The following ANKRD62 variants were observed in gnomAD, a reference collection of about 807,000 sequenced individuals.
The protein encoded by ANKRD62 is ankyrin repeat domain 62, also known as ankyrin repeat domain-containing protein 62.
In ANKRD62, 61 loss-of-function variants were observed where a neutral mutation model predicts 98.8. That is an observed-to-expected ratio of 0.62 (90% confidence interval 0.50 to 0.76). ANKRD62 has a LOEUF of 0.76. Ranked by LOEUF, ANKRD62 falls within the 30% of genes least tolerant of loss-of-function variation. The pLI is 0.00. For synonymous variants in ANKRD62, 341 were observed against 367.9 expected, an observed-to-expected ratio of 0.93 and a Z score of 0.84; for missense variants, 933 against 1,082.9, an observed-to-expected ratio of 0.86 and a Z score of 1.94.
intron 13 of ANKRD62, among the ~76,000 whole-genome samples, chr18:12,126,654 G>A (rs1372265396): frequency 6.6e-6 from 1 of 152,156 alleles, no homozygotes; most frequent in African/African-American, 2.4e-5. Context: ...TTATAATGTA[G>A]TCTTACACTG....
At chr18:12,134,855 C>G in the ANKRD62 span, among the ~76,000 whole-genome samples, 1 of 152,062 alleles carries the variant, frequency 6.6e-6, no homozygotes, top group East Asian at 1.9e-4. Flanking sequence ...GTCTTTATAG[C>G]AGCATGATTT....
rs1414966013 is a variant in ANKRD62 at position 12,101,976 on chromosome 18, A to C, written c.821-1182A>C. The C allele has an allele frequency of 4.8e-6, 5 of 1,047,596 alleles. No homozygotes were observed. The African/African-American group carries it at 7.8e-5, about 16-fold the overall frequency. 64.9% of individuals were successfully genotyped at this position (1,047,596 alleles called of 1,614,324 possible). A position where few individuals can be genotyped will look rare whatever the true frequency, so the allele number is the denominator to read the frequency against. Reference sequence around the variant, plus strand: ...GAGGCATACATCAGTTCTTCAAAGTATTAAGTCAGAAAGGTCAGAGCTTCC... The same window carrying C: ...GAGGCATACATCAGTTCTTCAAAGTCTTAAGTCAGAAAGGTCAGAGCTTCC... On this transcript the variant is annotated intron_variant, in intron 6 of 13. Transcript: ENST00000587848.
chr18:12,131,666 C>T (rs939355098), downstream of ANKRD62, among the ~76,000 whole-genome samples: 139 of 151,938 alleles, frequency 9.1e-4, no homozygotes, highest in African/African-American at 3.1e-3. Flanking sequence ...ATGTATCAAG[C>T]AATTACAGTT....
At chr18:12,124,933 A>G (rs1909856603) in intron 12 of ANKRD62, among the ~76,000 whole-genome samples, 1 of 152,188 alleles carries the variant, frequency 6.6e-6, no homozygotes, top group Admixed American at 6.5e-5. Context: ...TAGATCTGTC[A>G]TTTATCAATA....
the ANKRD62 span, among the ~76,000 whole-genome samples, chr18:12,168,946 GTGTATAAGAA>G: frequency 1.8e-4 from 28 of 152,234 alleles, no homozygotes; most frequent in East Asian, 3.9e-3. Flanking sequence ...TCTGTTACTG[GTGTATAAGAA>G]TGCCTGTGAT....
intron 10 of ANKRD62, among the ~76,000 whole-genome samples, chr18:12,118,748 G>C (rs534674573): frequency 5.3e-5 from 8 of 151,924 alleles, no homozygotes; most frequent in Admixed American, 2.0e-4. Context: ...ATATTCCATT[G>C]TTTGGCTGTT....
chr18:12,172,300 G>A, the ANKRD62 span, among the ~76,000 whole-genome samples: 4 of 152,194 alleles, frequency 2.6e-5, no homozygotes, highest in African/African-American at 9.6e-5. Flanking sequence ...TTCGATGATG[G>A]TGATGTACAG....
intron 12 of ANKRD62, among the ~76,000 whole-genome samples, chr18:12,124,690 G>A (rs1428520422): frequency 7.9e-6 from 1 of 126,940 alleles, no homozygotes; most frequent in Non-Finnish European, 1.7e-5. Flanking sequence ...GATTTCCTAA[G>A]AAGAGCTTTA....
At position 12,124,144 on chromosome 18, in the gene ANKRD62, T is replaced by A. The variant is rs750114835; in HGVS notation, c.1462T>A (p.Leu488Ile). 1.6e-6 allele frequency: 2 copies of A among 1,284,846 alleles called. No homozygotes were observed. Among genetic ancestry groups the A allele is most frequent in the South Asian group, 2.7e-5 (2 of 75,390 alleles). The allele number at this position is 1,284,846 out of a possible 1,614,324, so 79.6% of individuals were successfully genotyped here. A position where few individuals can be genotyped will look rare whatever the true frequency, so the allele number is the denominator to read the frequency against. ...AAGTATATTTAACTACAGATTTATC[T>A]TACAACAACAAGAAGAAGAAAGAAT... ...KKKLCNLRFI[L>I]QQQEEERIKA... Residue 488 changes from leucine to isoleucine, a missense_variant, in exon 12 of 14, where the codon TTA becomes ATA. This residue lies in a region of ANKRD62 where 549 missense variants were observed against 587.9 expected (regional missense o/e 0.93). Coordinates refer to ENST00000587848, the MANE Select transcript of ANKRD62 (RefSeq NM_001277333.2).
At chr18:12,141,295 C>T in the ANKRD62 span, among the ~76,000 whole-genome samples, 77 of 152,348 alleles carry the variant, frequency 5.1e-4, no homozygotes, top group African/African-American at 1.8e-3. Context: ...TGACCCCTTG[C>T]ACTTCCCGGG....
intron 4 of ANKRD62, among the ~76,000 whole-genome samples, chr18:12,096,728 T>C (rs574828084): frequency 6.6e-6 from 1 of 152,356 alleles, no homozygotes; most frequent in South Asian, 2.1e-4. Flanking sequence ...AAAGATAAAT[T>C]AGAGTTGAAA....
the ANKRD62 span, among the ~76,000 whole-genome samples, chr18:12,179,690 A>G: frequency 6.7e-6 from 1 of 149,958 alleles, no homozygotes; most frequent in African/African-American, 2.5e-5. Context: ...AGGATACCCA[A>G]ACAACCTTTT....
chr18:12,118,140 T>G (rs1265053486), intron 10 of ANKRD62, among the ~76,000 whole-genome samples: 1 of 152,194 alleles, frequency 6.6e-6, no homozygotes, highest in East Asian at 1.9e-4. Flanking sequence ...GGTCTTAAGG[T>G]ACACTGACAT....
chr18:12,102,568 A>G (rs899413331), intron 6 of ANKRD62: 1 of 354,084 alleles, frequency 2.8e-6, no homozygotes, highest in South Asian at 3.7e-5. Context: ...CCTTAACTGC[A>G]TGTTTTATGA....
At chr18:12,134,167 C>G (rs1360287708), downstream of ANKRD62, among the ~76,000 whole-genome samples, 1 of 152,132 alleles carries the variant, frequency 6.6e-6, no homozygotes, top group Middle Eastern at 3.2e-3. Flanking sequence ...GGCTCATATG[C>G]CTTGAAAGGA....
At chr18:12,114,829 A>T (rs955431093) in intron 8 of ANKRD62, among the ~76,000 whole-genome samples, 1 of 152,020 alleles carries the variant, frequency 6.6e-6, no homozygotes, top group Non-Finnish European at 1.5e-5. Flanking sequence ...GTCTTTGATG[A>T]TCAGAAAGCT....
In ANKRD62 at chr18:12,103,225, A is replaced by G. The variant is rs940323211; in HGVS notation, c.888A>G (p.Pro296=). 1 of 1,343,486 alleles carries G rather than the reference A, an allele frequency of 7.4e-7. No individual in the cohort carries two copies. The highest frequency in any genetic ancestry group is 1.5e-5 in the African/African-American group (1 of 66,684). 83.2% of individuals were successfully genotyped at this position (1,343,486 alleles called of 1,614,324 possible). The stretch of plus-strand genomic sequence containing the variant: ...TTGAAGGATGTGAAAGTAGCCAGCC[A>G]CAGGTATGTAAAAATTTAATTTCAA... ...ERLEGCESSQ[P]QVEEKMKKCR... The change falls in exon 7 of 14, where the codon CCA becomes CCG. Residue 296 remains proline, a synonymous_variant. Transcript: ENST00000587848.
At chr18:12,153,607 A>G in the ANKRD62 span, among the ~76,000 whole-genome samples, 1,712 of 141,054 alleles carry the variant, frequency 0.012, 17 homozygotes, top group African/African-American at 0.02. Context: ...AAAAAAAAAA[A>G]AAAGAAAGAA....
At chr18:12,109,942 A>T (rs1472636485) in intron 8 of ANKRD62, among the ~76,000 whole-genome samples, 4 of 110,098 alleles carry the variant, frequency 3.6e-5, no homozygotes, top group Admixed American at 3.3e-4. Flanking sequence ...AATAGGTTTC[A>T]CTGTTACCAA....
Sources: gnomAD v4.1 joint callset for allele counts (sites outside exome capture counted in the v4.1 genomes callset) on GRCh38, gnomAD v4.1.1 for gene constraint, gnomAD v4.1.1 regional missense constraint, MANE v1.5 for transcripts, NCBI Gene and HGNC (gene_info 2026-07-23, HGNC 2026-07-21) for gene names.